MTFR2: variants seen among roughly 807,000 people sequenced by gnomAD.
MTFR2 encodes DUF729 domain-containing protein 1.
A neutral mutation model predicts 41.2 loss-of-function variants in MTFR2; 44 were observed. The ratio of observed to expected loss-of-function variants is 1.07; its 90% confidence interval spans 0.84 to 1.37. The LOEUF is 1.37. Among genes scored for constraint, MTFR2 ranks in the 40% most tolerant of loss-of-function variants. The probability of loss-of-function intolerance (pLI) is 0.00; values close to 1 mark genes in which losing one functional copy is unlikely to be tolerated. For missense variants in MTFR2, 452 were observed against 459.5 expected, an observed-to-expected ratio of 0.98 and a Z score of 0.15; for synonymous variants, 141 against 154.6, an observed-to-expected ratio of 0.91 and a Z score of 0.65.
intron 3 of MTFR2, 148 bp downstream of exon 3, chr6:136,244,617 T>C (rs1330917740): frequency 1.6e-6 from 1 of 610,998 alleles, no homozygotes; most frequent in Non-Finnish European, 2.9e-6. Flanking sequence ...CACAAAAACA[T>C]ATATGAAATG....
Position 136,242,065 on chromosome 6 carries a change from G to A in MTFR2, c.282-389C>T, listed in dbSNP as rs2128458613. Among the ~76,000 whole-genome samples, 3 of 107,176 alleles carry A rather than the reference G, an allele frequency of 2.8e-5. No homozygotes were observed. In the South Asian group the frequency reaches 1.0e-3, roughly 36 times the overall value. The allele number at this position is 107,176 out of a possible 152,430, so 70.3% of individuals were successfully genotyped here. ...ATTGCACTCCAGCCTGGTCGACAGA[G>A]TAAGACTCTGTCTCAAAAAAAAAAA... On this transcript the variant is annotated intron_variant, in intron 4 of 7. Coordinates refer to ENST00000420702, the MANE Select transcript of MTFR2 (RefSeq NM_001099286.3).
At chr6:136,236,440 A>G (rs773451549) in intron 6 of MTFR2, among the ~76,000 whole-genome samples, 5 of 152,234 alleles carry the variant, frequency 3.3e-5, no homozygotes, top group Non-Finnish European at 4.4e-5. Flanking sequence ...AGCAACGTAC[A>G]AAACAAAGTT....
chr6:136,231,446 ATGGC>A, intron 7 of MTFR2, 58 bp from the exon 8 acceptor site: 6 of 1,103,818 alleles, frequency 5.4e-6, no homozygotes, highest in Non-Finnish European at 5.3e-6. Context: ...AAAAAAAAGA[ATGGC>A]AAGACAAAGG....
chr6:136,236,259 C>T (rs1252815874), intron 6 of MTFR2, among the ~76,000 whole-genome samples: 1 of 152,028 alleles, frequency 6.6e-6, no homozygotes, highest in African/African-American at 2.4e-5. Flanking sequence ...TGCAGAAGGG[C>T]TCATTTTAAG....
chr6:136,234,929 G>A (rs1376341798), intron 6 of MTFR2, among the ~76,000 whole-genome samples: 5 of 152,288 alleles, frequency 3.3e-5, no homozygotes, highest in East Asian at 1.9e-4. Flanking sequence ...ACGGAGTCTC[G>A]CTTTGTCACC....
At chr6:136,247,632 A>G in intron 2 of MTFR2, 1 of 434,708 alleles carries the variant, frequency 2.3e-6, no homozygotes, top group Non-Finnish European at 4.6e-6. Context: ...TTCTTTTCAC[A>G]AGCAAACTTT....
At chr6:136,244,641 G>A (rs1780168166) in intron 3 of MTFR2, 124 bp downstream of exon 3, 3 of 665,552 alleles carry the variant, frequency 4.5e-6, no homozygotes, top group Admixed American at 6.5e-5. Flanking sequence ...TGTTCCCAAG[G>A]GTAAACTACA....
chr6:136,241,798 G>A (rs1780081225), intron 4 of MTFR2, 122 bp from the exon 5 acceptor site: 1 of 769,192 alleles, frequency 1.3e-6, no homozygotes, highest in East Asian at 2.7e-5. Context: ...CTACTCTCAG[G>A]CCGGGCACAG....
intron 2 of MTFR2, among the ~76,000 whole-genome samples, chr6:136,245,791 T>C (rs1780198181): frequency 6.6e-6 from 1 of 152,218 alleles, no homozygotes; most frequent in South Asian, 2.1e-4. Context: ...GCATTTCAGA[T>C]TTCAGGTTTT....
chr6:136,236,856 T>G (rs1288160029), intron 6 of MTFR2, among the ~76,000 whole-genome samples: 2 of 152,096 alleles, frequency 1.3e-5, no homozygotes, highest in African/African-American at 2.4e-5. Flanking sequence ...GCAAATCCCT[T>G]GTGAAATCCT....
At chr6:136,240,135 A>C (rs1780017249) in intron 5 of MTFR2, among the ~76,000 whole-genome samples, 1 of 152,206 alleles carries the variant, frequency 6.6e-6, no homozygotes, top group African/African-American at 2.4e-5. Flanking sequence ...CTCTATTTTA[A>C]AAAAGCTAAA....
intron 7 of MTFR2, 86 bp downstream of exon 7, chr6:136,233,239 T>A (rs760919589): frequency 8.3e-7 from 1 of 1,209,998 alleles, no homozygotes; most frequent in Non-Finnish European, 1.2e-6. Context: ...GCACAATTAC[T>A]TCAAGAGAAC....
chr6:136,232,858 A>G (rs1338096349), intron 7 of MTFR2, among the ~76,000 whole-genome samples: 2 of 152,236 alleles, frequency 1.3e-5, no homozygotes, highest in Non-Finnish European at 1.5e-5. Context: ...GTCACTAAAG[A>G]TAACTATAAT....
intron 2 of MTFR2, chr6:136,247,701 C>G: frequency 2.7e-6 from 1 of 370,034 alleles, no homozygotes; most frequent in Non-Finnish European, 5.3e-6. Flanking sequence ...TACTCCAACA[C>G]AGTCCCATTC....
rs576613098 is a variant in MTFR2 at position 136,236,777 on chromosome 6, G to A, written c.869+2689C>T. ...AACAGAACTGACTTATCTGTCCCAG[G>A]ACTATCATACAGAAAATATATCTAT... is the stretch of plus-strand genomic sequence containing the variant. On this transcript the variant is annotated intron_variant, in intron 6 of 7. Coordinates refer to ENST00000420702, the MANE Select transcript of MTFR2 (RefSeq NM_001099286.3). Among the ~76,000 whole-genome samples the A allele has an allele frequency of 3.9e-5, 6 of 152,260 alleles. No homozygotes were observed. In the South Asian group the frequency reaches 1.2e-3, roughly 32 times the overall value.
intron 3 of MTFR2, 28 bp from the exon 4 acceptor site, chr6:136,243,001 A>G: frequency 6.6e-7 from 1 of 1,518,628 alleles, no homozygotes; most frequent in Non-Finnish European, 8.9e-7. Context: ...AAAAATAGTC[A>G]GAGCTCTGCA....
chr6:136,245,101 A>G (rs1780183184), intron 2 of MTFR2, among the ~76,000 whole-genome samples: 1 of 152,168 alleles, frequency 6.6e-6, no homozygotes, highest in South Asian at 2.1e-4. Context: ...GGTAGTAAAC[A>G]TATATACATT....
Position 136,241,558 on chromosome 6 carries a change from C to G in MTFR2, c.400G>C (p.Val134Leu), listed in dbSNP as rs1156396923. The G allele has an allele frequency of 2.5e-6, 4 of 1,614,062 alleles. No individual in the cohort carries two copies. The Admixed American group carries it at 5.0e-5, about 20-fold the overall frequency. Reference protein sequence around the residue: ...QKETVKNDLPVNEAAIRKIAA... With the variant: ...QKETVKNDLPLNEAAIRKIAA... Reference sequence around the variant, plus strand: ...ATTTTTCTAATTGCAGCTTCATTTACAGGCAGGTCATTTTTCACAGTTTCT... The same window carrying G: ...ATTTTTCTAATTGCAGCTTCATTTAGAGGCAGGTCATTTTTCACAGTTTCT... The change falls in exon 5 of 8, where the codon GTA becomes CTA. Residue 134 changes from valine to leucine, a missense_variant. Val to Leu is a conservative substitution (Grantham distance 32). Transcript: ENST00000420702.
At chr6:136,247,853 G>A (rs962650916) in intron 2 of MTFR2, among the ~76,000 whole-genome samples, 3 of 152,042 alleles carry the variant, frequency 2.0e-5, no homozygotes, top group Non-Finnish European at 4.4e-5. Context: ...GAAGTCCATG[G>A]CTTTAAATAT....
Sources: allele counts gnomAD v4.1 joint callset (sites outside exome capture counted in the v4.1 genomes callset), GRCh38; gene constraint gnomAD v4.1.1; transcripts MANE v1.5; gene names NCBI Gene and HGNC (gene_info 2026-07-23, HGNC 2026-07-21).